The following BCAR3 variants were observed in gnomAD, a reference collection of about 807,000 sequenced individuals.
BCAR3 encodes the protein breast cancer anti-estrogen resistance protein 3.
BCAR3 carries 37 observed loss-of-function variants against 80.1 expected under a neutral mutation model. The ratio of observed to expected loss-of-function variants is 0.46; its 90% CI spans 0.36 to 0.61. BCAR3 has a LOEUF of 0.61. Ranked by LOEUF, BCAR3 falls within the 20% of genes least tolerant of loss-of-function variation. The pLI is 0.00. For missense variants in BCAR3, 978 were observed against 1,068.2 expected (o/e 0.92, Z 1.18); for synonymous variants, 389 against 418.9 (o/e 0.93, Z 0.87).
chr1:93,569,952 G>A (rs1167505376), intron 9 of BCAR3, among the ~76,000 whole-genome samples: 4 of 152,150 alleles, frequency 2.6e-5, no homozygotes, highest in Non-Finnish European at 4.4e-5. Context: ...AGTTTTAGGT[G>A]ACAGGAAATA....
chr1:93,773,333 C>A (rs1357766107), intron 2 of BCAR3, among the ~76,000 whole-genome samples: 2 of 152,164 alleles, frequency 1.3e-5, no homozygotes, highest in African/African-American at 4.8e-5. Context: ...AAAAAAAAAT[C>A]TTACAAGCTA....
intron 3 of BCAR3, among the ~76,000 whole-genome samples, chr1:93,698,712 C>T (rs1444743314): frequency 6.6e-6 from 1 of 152,216 alleles, no homozygotes; most frequent in Non-Finnish European, 1.5e-5. Flanking sequence ...CTGTGCTCAG[C>T]CTTTAGCATC....
At chr1:93,593,924 G>A (rs956005598) in intron 3 of BCAR3, among the ~76,000 whole-genome samples, 5 of 152,154 alleles carry the variant, frequency 3.3e-5, no homozygotes, top group Non-Finnish European at 7.3e-5. Context: ...ACTCACTTGG[G>A]AGTGTCTGAA....
chr1:93,807,800 G>C (rs1488767557), intron 2 of BCAR3, among the ~76,000 whole-genome samples: 2 of 152,070 alleles, frequency 1.3e-5, no homozygotes, highest in Admixed American at 6.5e-5. Context: ...TTTGATGCCA[G>C]AGGCAGGAGG....
rs550916312 is a variant in BCAR3, at chr1:93,628,890, C to T, written c.357+13414G>A. On this transcript the variant is annotated intron_variant, in intron 3 of 11. Transcript: ENST00000260502. ...AGGGAAGAGACTCAACAAATACTTA[C>T]TAAATGACTATGTACTAACCACAAA... Among the ~76,000 whole-genome samples the T allele has an allele frequency of 5.9e-5, 9 of 152,274 alleles. No individual in the cohort carries two copies. The East Asian group carries it at 1.5e-3, about 26-fold the overall frequency.
chr1:93,722,540 C>T lies in BCAR3; in HGVS notation c.-62-16398G>A, dbSNP rs571776130. Among the ~76,000 whole-genome samples, 8 of 152,230 alleles carry T rather than the reference C, an allele frequency of 5.3e-5. No individual in the cohort carries two copies. The East Asian group carries it at 5.8e-4, about 11-fold the overall frequency. On this transcript the variant is annotated intron_variant, in intron 2 of 13. Coordinates refer to the BCAR3 transcript ENST00000370244. ...TAGAGGACTGTGGGGCTCTGAGGGA[C>T]GCTATTTCTCCTCCTGGGAGCCATT...
chr1:93,669,149 T>C (rs894403269), intron 2 of BCAR3, among the ~76,000 whole-genome samples: 1 of 152,162 alleles, frequency 6.6e-6, no homozygotes, highest in Non-Finnish European at 1.5e-5. Flanking sequence ...GCATCGTACA[T>C]CCTTCTGATT....
chr1:93,638,674 A>G (rs1327998431), intron 3 of BCAR3, among the ~76,000 whole-genome samples: 2 of 152,256 alleles, frequency 1.3e-5, no homozygotes, highest in African/African-American at 2.4e-5. Context: ...CACTAGCTAC[A>G]TGGTAAACAG....
chr1:93,634,975 T>G (rs761350730), intron 3 of BCAR3, among the ~76,000 whole-genome samples: 1 of 152,140 alleles, frequency 6.6e-6, no homozygotes, highest in African/African-American at 2.4e-5. Context: ...GGCTCACACA[T>G]GTAATCCCAG....
chr1:93,813,409 C>T (rs1404757398), intron 2 of BCAR3, among the ~76,000 whole-genome samples: 1 of 152,270 alleles, frequency 6.6e-6, no homozygotes, highest in African/African-American at 2.4e-5. Context: ...TGACTCAAAT[C>T]GGGTGTGGCT....
intron 2 of BCAR3, among the ~76,000 whole-genome samples, chr1:93,832,740 C>T (rs1654617522): frequency 6.6e-6 from 1 of 152,146 alleles, no homozygotes; most frequent in African/African-American, 2.4e-5. Context: ...AACTCCCCAA[C>T]TCTGGTGCCA....
At chr1:93,807,161 T>C (rs1303986160) in intron 2 of BCAR3, among the ~76,000 whole-genome samples, 1 of 152,134 alleles carries the variant, frequency 6.6e-6, no homozygotes, top group East Asian at 1.9e-4. Context: ...ATGTCTTTGA[T>C]TGATATGGCC....
chr1:93,726,401 C>T (rs1034097276), intron 2 of BCAR3, among the ~76,000 whole-genome samples: 41 of 152,180 alleles, frequency 2.7e-4, no homozygotes, highest in Non-Finnish European at 5.4e-4. Flanking sequence ...CTTTACAGCC[C>T]ACCTAAATTT....
intron 2 of BCAR3, among the ~76,000 whole-genome samples, chr1:93,655,874 C>T (rs1158689249): frequency 2.6e-5 from 4 of 152,118 alleles, no homozygotes; most frequent in African/African-American, 9.7e-5. Context: ...AATAGTCAAC[C>T]CATGAAGGAA....
chr1:93,567,689 A>T (rs761532804), intron 10 of BCAR3, 51 bp downstream of exon 10: 1 of 1,538,466 alleles, frequency 6.5e-7, no homozygotes, highest in Non-Finnish European at 9.0e-7. Context: ...GTGTACTTGT[A>T]CTCCACTCCC....
At chr1:93,757,331 C>T (rs1651781931) in intron 2 of BCAR3, among the ~76,000 whole-genome samples, 1 of 152,168 alleles carries the variant, frequency 6.6e-6, no homozygotes, top group South Asian at 2.1e-4. Context: ...CAGACAGCAG[C>T]TCCCCCCATT....
intron 2 of BCAR3, among the ~76,000 whole-genome samples, chr1:93,818,017 G>A (rs1280993686): frequency 1.3e-5 from 2 of 152,164 alleles, no homozygotes; most frequent in African/African-American, 4.8e-5. Flanking sequence ...CTCCTTACCG[G>A]TGACGCACTG....
intron 3 of BCAR3, among the ~76,000 whole-genome samples, chr1:93,698,203 G>A (rs1649491986): frequency 6.6e-6 from 1 of 152,208 alleles, no homozygotes; most frequent in African/African-American, 2.4e-5. Flanking sequence ...AGCCAAGGGG[G>A]CAACTGGGGG....
At chr1:93,704,910 A>C (rs1005259042) in intron 3 of BCAR3, among the ~76,000 whole-genome samples, 2 of 152,214 alleles carry the variant, frequency 1.3e-5, no homozygotes, top group Non-Finnish European at 2.9e-5. Context: ...CCTAAGACAA[A>C]AGTACACACA....
Sources: allele counts gnomAD v4.1 joint callset (sites outside exome capture counted in the v4.1 genomes callset), GRCh38; gene constraint gnomAD v4.1.1; transcripts MANE v1.5; gene names NCBI Gene and HGNC (gene_info 2026-07-23, HGNC 2026-07-21).